QRFPR: variants seen among roughly 807,000 people sequenced by gnomAD.
QRFPR encodes pyroglutamylated RF-amide peptide receptor.
A neutral mutation model predicts 31.3 loss-of-function variants in QRFPR; 37 were observed. The ratio of observed to expected loss-of-function variants is 1.18; its 90% CI spans 0.91 to 1.56. The LOEUF (loss-of-function observed/expected upper bound fraction) is 1.56, where lower values mean the gene tolerates loss of function less well. QRFPR is among the 40% of genes most tolerant of loss of function. The pLI, the probability that QRFPR is intolerant of heterozygous loss-of-function variation, is 0.00. For missense variants in QRFPR, 542 were observed against 532.5 expected (o/e 1.02, Z -0.18); for synonymous variants, 197 against 192.0 (o/e 1.03, Z -0.22).
chr4:121,341,316 G>A (rs1217006784), intron 1 of QRFPR, among the ~76,000 whole-genome samples: 1 of 152,148 alleles, frequency 6.6e-6, no homozygotes, highest in African/African-American at 2.4e-5. Flanking sequence ...TTGAACCCAT[G>A]CTGCTTGCTG....
At position 121,380,943 on chromosome 4, in the gene QRFPR, A is replaced by T; in HGVS notation, c.-296T>A. The T allele has an allele frequency of 2.8e-6, 1 of 354,276 alleles. No individual in the cohort carries two copies. The highest frequency in any genetic ancestry group is 5.1e-6 in the Non-Finnish European group (1 of 196,574). The allele number at this position is 354,276 out of a possible 1,614,324, so 21.9% of individuals were successfully genotyped here. A position where few individuals can be genotyped will look rare whatever the true frequency, so the allele number is the denominator to read the frequency against. On this transcript the variant is annotated 5_prime_UTR_variant, in exon 1 of 6. Coordinates refer to ENST00000394427, the MANE Select transcript of QRFPR (RefSeq NM_198179.3). ...TCTTCCCTTGCTCTTCCCTAAGGCG[A>T]GGCGCCGCCACGGTCTGGGGTGCTG... is the stretch of plus-strand genomic sequence containing the variant.
intron 1 of QRFPR, among the ~76,000 whole-genome samples, chr4:121,356,633 C>G (rs1425359648): frequency 6.6e-6 from 1 of 152,146 alleles, no homozygotes; most frequent in Non-Finnish European, 1.5e-5. Flanking sequence ...TACTAGGGGG[C>G]AGCCTAAGAG....
intron 1 of QRFPR, among the ~76,000 whole-genome samples, chr4:121,342,631 T>C (rs1725563861): frequency 6.6e-6 from 1 of 152,200 alleles, no homozygotes; most frequent in Non-Finnish European, 1.5e-5. Flanking sequence ...TTGTTTTTTA[T>C]TTTTATTATT....
chr4:121,365,638 ATT>A (rs869258255), intron 1 of QRFPR, among the ~76,000 whole-genome samples: 985 of 35,146 alleles, frequency 0.028, 96 homozygotes, highest in Non-Finnish European at 0.037. Context: ...TTATATATAT[ATT>A]TTATATATTA....
chr4:121,331,453 G>A (rs1038079695), intron 4 of QRFPR, among the ~76,000 whole-genome samples: 1 of 150,852 alleles, frequency 6.6e-6, no homozygotes, highest in African/African-American at 2.4e-5. Flanking sequence ...CAAAGTGCTG[G>A]GATTCCAGGT....
At chr4:121,369,847 C>T in intron 1 of QRFPR, 2 of 971,594 alleles carry the variant, frequency 2.1e-6, no homozygotes, top group South Asian at 1.3e-5. Flanking sequence ...ATGCAGGTGG[C>T]CTCTCTTCTT....
chr4:121,346,342 C>G (rs560094159), intron 1 of QRFPR, among the ~76,000 whole-genome samples: 6 of 152,216 alleles, frequency 3.9e-5, no homozygotes, highest in African/African-American at 1.2e-4. Context: ...CAGCACTTCC[C>G]TGCCCCTCTT....
At chr4:121,367,137 A>C (rs72917782) in intron 1 of QRFPR, among the ~76,000 whole-genome samples, 5,181 of 149,926 alleles carry the variant, frequency 0.035, 613 homozygotes, top group African/African-American at 0.12. Flanking sequence ...CTGGGGTGGG[A>C]TAGGGAGTCA....
chr4:121,344,788 G>C (rs1006025665), intron 1 of QRFPR, among the ~76,000 whole-genome samples: 15 of 151,980 alleles, frequency 9.9e-5, no homozygotes, highest in African/African-American at 3.1e-4. Flanking sequence ...TCTTGTTCTG[G>C]TAATCTCTCT....
intron 3 of QRFPR, 51 bp from the exon 4 acceptor site, chr4:121,333,107 A>C (rs76291924): frequency 0.016 from 19,875 of 1,272,550 alleles, 665 homozygotes; most frequent in Admixed American, 0.11. Context: ...GCATCAAAAA[A>C]CAGAAATCAG....
rs2110478014 is a variant in QRFPR, at chr4:121,358,809, A to G, written c.341-18199T>C. On this transcript the variant is annotated intron_variant, in intron 1 of 5. Coordinates refer to ENST00000394427, the MANE Select transcript of QRFPR (RefSeq NM_198179.3). ...CACTGATCACAATGTTCTAAGTTAT[A>G]AAACTAATTTCCACTGTAGGAACAT... 1.3e-5 allele frequency among the ~76,000 whole-genome samples: 2 copies of G among 152,326 alleles called. 1 individual carries two copies. Among genetic ancestry groups the G allele is most frequent in the Non-Finnish European group, 2.9e-5 (2 of 68,028 alleles).
At chr4:121,355,966 G>A (rs1039162646) in intron 1 of QRFPR, among the ~76,000 whole-genome samples, 4 of 152,054 alleles carry the variant, frequency 2.6e-5, no homozygotes, top group Admixed American at 6.6e-5. Context: ...TGAGACTTGT[G>A]TTGTGGCCCA....
intron 1 of QRFPR, among the ~76,000 whole-genome samples, chr4:121,355,192 T>C (rs926462011): frequency 6.6e-6 from 1 of 152,104 alleles, no homozygotes; most frequent in Admixed American, 6.5e-5. Flanking sequence ...AGTAAAGCCA[T>C]CAGGTCCTAG....
chr4:121,365,523 A>AT lies in QRFPR; in HGVS notation c.340+14784dup, dbSNP rs1560743494. ...ATAATATATATAATATATATTATAT[A>AT]TATTATATATAATATATATTATATA... On this transcript the variant is annotated intron_variant, in intron 1 of 5. Transcript: ENST00000394427. 9.2e-3 allele frequency among the ~76,000 whole-genome samples: 65 copies of AT among 7,096 alleles called. 5 individuals carry two copies. The East Asian group carries it at 0.1, about 11-fold the overall frequency. 4.7% of individuals were successfully genotyped at this position (7,096 alleles called of 152,430 possible). A position where few individuals can be genotyped will look rare whatever the true frequency, so the allele number is the denominator to read the frequency against.
chr4:121,329,125 T>A lies in QRFPR; in HGVS notation c.*189A>T. 4 of 503,376 alleles carry A rather than the reference T, an allele frequency of 7.9e-6. No homozygotes were observed. The highest frequency in any genetic ancestry group is 4.0e-5 in the South Asian group (1 of 25,116). The allele number at this position is 503,376 out of a possible 1,614,324, so 31.2% of individuals were successfully genotyped here. A position where few individuals can be genotyped will look rare whatever the true frequency, so the allele number is the denominator to read the frequency against. ...AGAAGGAACACAGAAATCTGTTAAA[T>A]GATTGTGATCAATTGGTTGTAAACA... On this transcript the variant is annotated 3_prime_UTR_variant, in exon 6 of 6. Coordinates refer to ENST00000394427, the MANE Select transcript of QRFPR (RefSeq NM_198179.3).
chr4:121,334,167 G>C (rs1248194142), intron 3 of QRFPR, among the ~76,000 whole-genome samples: 2 of 152,188 alleles, frequency 1.3e-5, no homozygotes, highest in Non-Finnish European at 2.9e-5. Flanking sequence ...ACACATCTAA[G>C]AGCATGCTGA....
intron 1 of QRFPR, among the ~76,000 whole-genome samples, chr4:121,341,911 C>A (rs1725550339): frequency 6.6e-6 from 1 of 152,164 alleles, no homozygotes; most frequent in Admixed American, 6.5e-5. Context: ...GATCACTACC[C>A]CACATCCTTC....
chr4:121,367,693 C>CA lies in QRFPR; in HGVS notation c.340+12614dup, dbSNP rs530698317. ...AGCAGAACTTCGAATATGTGAACAA[C>CA]AATTATAGTTTCCTTTCTTTGGATA... On this transcript the variant is annotated intron_variant, in intron 1 of 5. Transcript: ENST00000394427. Among the ~76,000 whole-genome samples the CA allele has an allele frequency of 3.7e-3, 562 of 150,318 alleles. 46 individuals carry two copies. Among genetic ancestry groups the CA allele is most frequent in the African/African-American group, 0.013 (545 of 40,724 alleles).
At chr4:121,366,598 G>A (rs953333092) in intron 1 of QRFPR, among the ~76,000 whole-genome samples, 5 of 149,770 alleles carry the variant, frequency 3.3e-5, no homozygotes, top group Admixed American at 1.3e-4. Context: ...AAAACAATGA[G>A]CCCCTATGAG....
Sources: allele counts gnomAD v4.1 joint callset (sites outside exome capture counted in the v4.1 genomes callset), GRCh38; gene constraint gnomAD v4.1.1; transcripts MANE v1.5; gene names NCBI Gene and HGNC (gene_info 2026-07-23, HGNC 2026-07-21).